The following C7 variants were observed in gnomAD, a reference collection of about 807,000 sequenced individuals.
C7 encodes the protein complement C7, also known as complement component C7.
C7 carries 83 observed loss-of-function variants against 104.8 expected under a neutral mutation model. The observed-to-expected ratio is 0.79, with a 90% CI of 0.66 to 0.95. The LOEUF (loss-of-function observed/expected upper bound fraction) is 0.95, where lower values mean the gene tolerates loss of function less well. C7 is among the 40% of genes least tolerant of loss of function. The pLI is 0.00. For synonymous variants in C7, 415 were observed against 360.6 expected, an observed-to-expected ratio of 1.15 and a Z score of -1.71; for missense variants, 1,070 against 1,011.2, an observed-to-expected ratio of 1.06 and a Z score of -0.79.
chr5:40,948,522 T>G (rs76097346), intron 8 of C7, among the ~76,000 whole-genome samples: 22,546 of 152,144 alleles, frequency 0.15, 1,716 homozygotes, highest in South Asian at 0.17. Context: ...GTTTAGCTTA[T>G]TCCTTATGCT....
At chr5:40,973,240 T>A (rs1384284756) in intron 15 of C7, among the ~76,000 whole-genome samples, 1 of 152,234 alleles carries the variant, frequency 6.6e-6, no homozygotes, top group Non-Finnish European at 1.5e-5. Context: ...TAATTTTAGA[T>A]GAGATAGATT....
intron 1 of C7, among the ~76,000 whole-genome samples, chr5:40,916,535 G>A (rs990953532): frequency 1.4e-4 from 21 of 152,084 alleles, no homozygotes; most frequent in South Asian, 8.3e-4. Flanking sequence ...AGAGAGAACC[G>A]GAGTGGAATA....
Position 40,972,459 on chromosome 5 carries a change from C to T in C7, c.1939C>T (p.Pro647Ser). The T allele has an allele frequency of 6.2e-7, 1 of 1,613,888 alleles. No homozygotes were observed. Among genetic ancestry groups the T allele is most frequent in the Non-Finnish European group, 8.5e-7 (1 of 1,179,788 alleles). ...MDGIQSHPQK[P>S]FYTVGEKVTV... ...TGGCATACAGAGTCACCCCCAAAAA[C>T]CTTTCTACACAGTTGGTGAGAAGGT... The change falls in exon 15 of 18, where the codon CCT becomes TCT. Residue 647 changes from proline (P) to serine (S), a missense_variant. By Grantham distance (74) the Pro-to-Ser change is moderately conservative (BLOSUM62 -1). Coordinates refer to ENST00000313164, the MANE Select transcript of C7 (RefSeq NM_000587.4).
intron 9 of C7, among the ~76,000 whole-genome samples, chr5:40,953,319 T>G (rs1054321523): frequency 6.6e-6 from 1 of 152,056 alleles, no homozygotes; most frequent in Admixed American, 6.6e-5. Flanking sequence ...GAGAGATTGC[T>G]TAATGGGTAT....
rs960986751 is a variant in C7 at position 40,947,967 on chromosome 5, G to A, written c.982+122G>A. On this transcript the variant is annotated intron_variant, in intron 8 of 17. Coordinates refer to ENST00000313164, the MANE Select transcript of C7 (RefSeq NM_000587.4). ...ACAAACAGAAATTTAAATTGCAAAGGAATCTAAAATTGCAAGAATGTATTA... is the reference window on the plus strand; with the variant it reads ...ACAAACAGAAATTTAAATTGCAAAGAAATCTAAAATTGCAAGAATGTATTA... The A allele has an allele frequency of 3.9e-6, 4 of 1,035,092 alleles. No homozygotes were observed. The Admixed American group carries it at 9.2e-5, about 24-fold the overall frequency. The allele number at this position is 1,035,092 out of a possible 1,614,324, so 64.1% of individuals were successfully genotyped here.
chr5:40,950,228 AGT>A lies in C7; in HGVS notation c.1093+221_1093+222del, dbSNP rs1228592351. 3.4e-5 allele frequency among the ~76,000 whole-genome samples: 4 copies of A among 118,810 alleles called. No individual in the cohort carries two copies. In the Admixed American group the frequency reaches 3.5e-4, roughly 11 times the overall value. 77.9% of individuals were successfully genotyped at this position (118,810 alleles called of 152,430 possible). ...CACTCTCCACTCTCCAAAATGCCCCAGTGTGTGTTGCTCCTCTGTCTATTTCC... is the reference window on the plus strand; with the variant it reads ...CACTCTCCACTCTCCAAAATGCCCCAGTGTGTTGCTCCTCTGTCTATTTCC... On this transcript the variant is annotated intron_variant, in intron 9 of 17. Transcript: ENST00000313164.
chr5:40,949,480 A>G (rs1240995367), intron 8 of C7, among the ~76,000 whole-genome samples: 1 of 152,118 alleles, frequency 6.6e-6, no homozygotes, highest in East Asian at 1.9e-4. Flanking sequence ...GAGAGATTGA[A>G]CCAGTAGAAC....
chr5:40,937,781 T>TTATGGCC, intron 6 of C7, 91 bp downstream of exon 6: 1 of 1,078,760 alleles, frequency 9.3e-7, no homozygotes, highest in African/African-American at 1.6e-5. Flanking sequence ...GAGAATTTAC[T>TTATGGCC]TATGGCCTAA....
At chr5:40,912,716 C>T (rs140768301) in intron 1 of C7, among the ~76,000 whole-genome samples, 1 of 152,282 alleles carries the variant, frequency 6.6e-6, no homozygotes, top group African/African-American at 2.4e-5. Context: ...TCATTATCCA[C>T]ATTTTGGCTG....
intron 9 of C7, 64 bp from the exon 10 acceptor site, chr5:40,955,323 A>G: frequency 6.7e-7 from 1 of 1,499,970 alleles, no homozygotes; most frequent in South Asian, 1.3e-5. Context: ...GATGTCATAC[A>G]ATTTGATAGT....
At chr5:40,919,504 G>A (rs1739395305) in intron 1 of C7, among the ~76,000 whole-genome samples, 1 of 152,122 alleles carries the variant, frequency 6.6e-6, no homozygotes, top group South Asian at 2.1e-4. Context: ...TTATGCACCT[G>A]TAGTCCCAGC....
chr5:40,956,117 C>G (rs1353257273), intron 10 of C7, among the ~76,000 whole-genome samples: 2 of 152,144 alleles, frequency 1.3e-5, no homozygotes, highest in Non-Finnish European at 2.9e-5. Flanking sequence ...AGGTTAGAGA[C>G]ACAGCACTCA....
In C7 at chr5:40,958,152, T is replaced by C; in HGVS notation, c.1380T>C (p.Cys460=). The change falls in exon 11 of 18, where the codon TGT becomes TGC. Residue 460 remains cysteine (C), a synonymous_variant. Transcript: ENST00000313164. ...TTGACCCCTGTCATTGCCGGCCTTG[T>C]CAAAATGGTGGTTTGGCTACTGTTG... ...DEFDPCHCRP[C]QNGGLATVEG... The C allele has an allele frequency of 6.2e-7, 1 of 1,613,898 alleles. No individual in the cohort carries two copies. The highest frequency in any genetic ancestry group is 8.5e-7 in the Non-Finnish European group (1 of 1,179,806).
At chr5:40,972,160 A>G in intron 14 of C7, 1 of 522,064 alleles carries the variant, frequency 1.9e-6, no homozygotes, top group Non-Finnish European at 3.4e-6. Context: ...AAGTTGTCAC[A>G]TTGTTTTGAG....
At position 40,916,122 on chromosome 5, in the gene C7, A is replaced by C. The variant is rs113343971; in HGVS notation, c.6+6506A>C. On this transcript the variant is annotated intron_variant, in intron 1 of 17. Transcript: ENST00000313164. ...AAAATACATACAGTTAAAGTAGGAAAATATATAATAGAAACTACCTATAAT... is the reference window on the plus strand; with the variant it reads ...AAAATACATACAGTTAAAGTAGGAACATATATAATAGAAACTACCTATAAT... Among the ~76,000 whole-genome samples the C allele has an allele frequency of 7.4e-3, 1,133 of 152,320 alleles. 18 individuals carry two copies. The highest frequency in any genetic ancestry group is 0.026 in the African/African-American group (1,088 of 41,560).
intron 13 of C7, 198 bp from the exon 14 acceptor site, chr5:40,964,543 A>G: frequency 1.6e-5 from 8 of 490,334 alleles, no homozygotes; most frequent in Non-Finnish European, 2.6e-5. Flanking sequence ...CAGTGGTATT[A>G]ATAGTTTTAT....
intron 1 of C7, among the ~76,000 whole-genome samples, chr5:40,918,700 T>G (rs10045336): frequency 0.23 from 34,269 of 149,114 alleles, 4,071 homozygotes; most frequent in East Asian, 0.32. Flanking sequence ...AAAAAAAAAG[T>G]AAGGACATTA....
chr5:40,980,147 G>A (rs1403074163), intron 17 of C7: 1 of 365,680 alleles, frequency 2.7e-6, no homozygotes, highest in Non-Finnish European at 4.9e-6. Context: ...CTCCCAAACA[G>A]GGGTGATTCC....
intron 9 of C7, among the ~76,000 whole-genome samples, chr5:40,953,895 AC>A (rs1172668145): frequency 6.6e-6 from 1 of 152,240 alleles, no homozygotes; most frequent in Non-Finnish European, 1.5e-5. Flanking sequence ...AAATAAAAAA[AC>A]AAAAAAAGAA....
Sources: allele counts gnomAD v4.1 joint callset (sites outside exome capture counted in the v4.1 genomes callset), GRCh38; gene constraint gnomAD v4.1.1; transcripts MANE v1.5; gene names NCBI Gene and HGNC (gene_info 2026-07-23, HGNC 2026-07-21).